TRAPPC9: variants seen among roughly 807,000 people sequenced by gnomAD.
TRAPPC9 encodes the protein trafficking protein particle complex subunit 9.
TRAPPC9 carries 83 observed loss-of-function variants against 124.0 expected under a neutral mutation model. That is an observed-to-expected ratio of 0.67 (90% CI 0.56 to 0.80). TRAPPC9 has a LOEUF of 0.80. Ranked by LOEUF, TRAPPC9 falls within the 30% of genes least tolerant of loss-of-function variation. The pLI is 0.00. For missense variants in TRAPPC9, 1,302 were observed against 1,508.3 expected (o/e 0.86, Z 2.27); for synonymous variants, 638 against 617.5 (o/e 1.03, Z -0.49).
chr8:140,101,159 A>T (rs1188614063), intron 17 of TRAPPC9, among the ~76,000 whole-genome samples: 9 of 152,210 alleles, frequency 5.9e-5, no homozygotes, highest in Admixed American at 5.9e-4. Flanking sequence ...TTTTTCTTTG[A>T]GACGGAGTCT....
intron 9 of TRAPPC9, among the ~76,000 whole-genome samples, chr8:140,356,648 C>T (rs1283292056): frequency 6.7e-6 from 1 of 150,226 alleles, no homozygotes; most frequent in East Asian, 1.9e-4. Context: ...GCTGGAGTCT[C>T]ACCCAGGCTG....
At chr8:140,019,121 A>C (rs760016013) in intron 18 of TRAPPC9, among the ~76,000 whole-genome samples, 12 of 152,244 alleles carry the variant, frequency 7.9e-5, no homozygotes, top group Admixed American at 2.0e-4. Flanking sequence ...CTGATCTTTC[A>C]ATGGTAAAAC....
intron 7 of TRAPPC9, among the ~76,000 whole-genome samples, chr8:140,380,168 C>G (rs1267003823): frequency 6.6e-6 from 1 of 152,136 alleles, no homozygotes; most frequent in Non-Finnish European, 1.5e-5. Flanking sequence ...TTGGAGGAGA[C>G]ACACTTCCCA....
intron 21 of TRAPPC9, among the ~76,000 whole-genome samples, chr8:139,859,149 G>T (rs576583254): frequency 1.7e-3 from 254 of 151,794 alleles, no homozygotes; most frequent in African/African-American, 5.8e-3. Context: ...TTTCTGGCCC[G>T]AGTCAGAGTC....
intron 9 of TRAPPC9, among the ~76,000 whole-genome samples, chr8:140,346,413 C>T (rs947690268): frequency 6.6e-6 from 1 of 152,210 alleles, no homozygotes; most frequent in Admixed American, 6.5e-5. Flanking sequence ...TTTCCAGCTC[C>T]TCCTTGTCCC....
chr8:139,971,904 G>C (rs184411344), intron 19 of TRAPPC9, among the ~76,000 whole-genome samples: 1 of 151,356 alleles, frequency 6.6e-6, no homozygotes. Context: ...TCACTGCGAC[G>C]TCCACCTCCT....
chr8:140,217,381 A>T (rs2063220710), intron 17 of TRAPPC9, among the ~76,000 whole-genome samples: 1 of 152,058 alleles, frequency 6.6e-6, no homozygotes, highest in Admixed American at 6.6e-5. Context: ...TTGAAAGTAA[A>T]CTCTGTGAGG....
At chr8:139,876,369 T>C (rs537751964) in intron 21 of TRAPPC9, among the ~76,000 whole-genome samples, 5 of 152,308 alleles carry the variant, frequency 3.3e-5, no homozygotes, top group Admixed American at 2.6e-4. Flanking sequence ...AGGTGGTCTG[T>C]CCTCGGGGAG....
intron 21 of TRAPPC9, among the ~76,000 whole-genome samples, chr8:139,828,194 ATGTTGCCCAGTG>A (rs1294080649): frequency 6.6e-6 from 1 of 151,910 alleles, no homozygotes; most frequent in African/African-American, 2.4e-5. Flanking sequence ...TCTCCCCAGC[ATGTTGCCCAGTG>A]TGCCCACATG....
intron 21 of TRAPPC9, among the ~76,000 whole-genome samples, chr8:139,827,251 A>G (rs1168178263): frequency 6.6e-6 from 1 of 152,190 alleles, no homozygotes; most frequent in African/African-American, 2.4e-5. Context: ...TGAGGAGGAC[A>G]GGCACCTTGG....
chr8:139,815,775 G>T (rs1049000963), intron 21 of TRAPPC9, among the ~76,000 whole-genome samples: 1 of 152,256 alleles, frequency 6.6e-6, no homozygotes, highest in Non-Finnish European at 1.5e-5. Context: ...GTGGGAAGGT[G>T]GGGTGAGCAG....
chr8:140,073,366 T>C (rs1358403224), intron 17 of TRAPPC9, among the ~76,000 whole-genome samples: 1 of 152,214 alleles, frequency 6.6e-6, no homozygotes, highest in African/African-American at 2.4e-5. Context: ...GGATTACTAA[T>C]TGAGCAATAA....
intron 19 of TRAPPC9, among the ~76,000 whole-genome samples, chr8:139,937,744 C>G (rs370194052): frequency 6.6e-6 from 1 of 152,276 alleles, no homozygotes; most frequent in Non-Finnish European, 1.5e-5. Flanking sequence ...AGCGGAAATG[C>G]GGACGCAAAT....
chr8:139,986,242 C>CA (rs1333977022), intron 19 of TRAPPC9, among the ~76,000 whole-genome samples: 1 of 151,336 alleles, frequency 6.6e-6, no homozygotes, highest in Non-Finnish European at 1.5e-5. Flanking sequence ...GATTCTGTAT[C>CA]AAAAAAACAA....
chr8:140,010,116 TAAC>T (rs1357286469), intron 18 of TRAPPC9, among the ~76,000 whole-genome samples: 1 of 152,228 alleles, frequency 6.6e-6, no homozygotes, highest in East Asian at 1.9e-4. Flanking sequence ...ATACCATGAA[TAAC>T]AAATCGAAAT....
intron 7 of TRAPPC9, among the ~76,000 whole-genome samples, chr8:140,373,891 G>A (rs139507840): frequency 1.3e-5 from 2 of 152,240 alleles, no homozygotes; most frequent in East Asian, 1.9e-4. Flanking sequence ...TTACTGAGTC[G>A]TACGAGTTCT....
At chr8:139,809,490 G>T (rs1355136170) in intron 21 of TRAPPC9, among the ~76,000 whole-genome samples, 1 of 152,230 alleles carries the variant, frequency 6.6e-6, no homozygotes, top group Non-Finnish European at 1.5e-5. Context: ...CGACAGCCGG[G>T]TGTAAATCTC....
At chr8:140,029,266 A>C (rs1840350401) in intron 17 of TRAPPC9, among the ~76,000 whole-genome samples, 1 of 152,230 alleles carries the variant, frequency 6.6e-6, no homozygotes, top group Non-Finnish European at 1.5e-5. Flanking sequence ...GCAGTTTGGG[A>C]GGCTGCGCAG....
chr8:139,864,825 T>C (rs1165270472), intron 21 of TRAPPC9, among the ~76,000 whole-genome samples: 1 of 152,040 alleles, frequency 6.6e-6, no homozygotes, highest in Non-Finnish European at 1.5e-5. Flanking sequence ...GGAACAAAGG[T>C]GTTTAATGCC....
Sources: gnomAD v4.1 joint callset for allele counts (sites outside exome capture counted in the v4.1 genomes callset) on GRCh38, gnomAD v4.1.1 for gene constraint, MANE v1.5 for transcripts, NCBI Gene and HGNC (gene_info 2026-07-23, HGNC 2026-07-21) for gene names.